Variants in VPS37A observed in about 807,000 individuals in gnomAD.
The protein encoded by VPS37A is vacuolar protein sorting-associated protein 37A.
VPS37A carries 30 observed loss-of-function variants against 49.8 expected under a neutral mutation model. The ratio of observed to expected loss-of-function variants is 0.60; its 90% CI spans 0.45 to 0.82. The LOEUF (loss-of-function observed/expected upper bound fraction) is 0.82, where lower values mean the gene tolerates loss of function less well. Ranked by LOEUF, VPS37A falls within the 40% of genes least tolerant of loss-of-function variation. VPS37A has a pLI of 0.00. For missense variants in VPS37A, 593 were observed against 464.4 expected, an observed-to-expected ratio of 1.28 and a Z score of -2.55; for synonymous variants, 195 against 160.6, an observed-to-expected ratio of 1.21 and a Z score of -1.62.
rs369575319 is a variant in VPS37A, at chr8:17,268,294, G to C, written c.237G>C (p.Val79=). 1 of 1,612,986 alleles carries C rather than the reference G, an allele frequency of 6.2e-7. No homozygotes were observed. Among genetic ancestry groups the C allele is most frequent in the African/African-American group, 1.3e-5 (1 of 74,908 alleles). Residue 79 remains valine (V), a synonymous_variant, in exon 3 of 12, where the codon GTG becomes GTC. Coordinates refer to ENST00000324849, the MANE Select transcript of VPS37A (RefSeq NM_152415.3). ...LPPQFPQEKP[V]ISVYPPIRHH... is the part of the protein sequence containing the mutation. Reference sequence around the variant, plus strand: ...CACAGTTTCCTCAGGAAAAACCAGTGATCAGTGTTTATCCACCAATACGAC... The same window carrying C: ...CACAGTTTCCTCAGGAAAAACCAGTCATCAGTGTTTATCCACCAATACGAC...
At chr8:17,302,184 C>T (rs745671147), downstream of VPS37A, 5 of 1,614,010 alleles carry the variant, frequency 3.1e-6, no homozygotes, top group East Asian at 2.2e-5. Flanking sequence ...CTTCCTCTAG[C>T]TGCTGAGTTT....
chr8:17,302,529 A>G (rs1407954427), downstream of VPS37A: 2 of 353,950 alleles, frequency 5.7e-6, no homozygotes, highest in Non-Finnish European at 1.0e-5. Context: ...CACAGAATAC[A>G]TTTTTCTAAA....
the VPS37A span, among the ~76,000 whole-genome samples, chr8:17,324,883 G>A: frequency 1.3e-5 from 2 of 152,136 alleles, no homozygotes; most frequent in Non-Finnish European, 2.9e-5. Flanking sequence ...TAAAAACTGA[G>A]ACTACAGAAA....
At chr8:17,322,950 C>CTTTTTTTTTTTTTTTTTTTTTTTTTTTTT in the VPS37A span, among the ~76,000 whole-genome samples, 1 of 125,776 alleles carries the variant, frequency 8.0e-6, no homozygotes, top group Non-Finnish European at 1.6e-5. Flanking sequence ...ATTGAATTAT[C>CTTTTTTTTTTTTTTTTTTTTTTTTTTTTT]TTTTTTTTTT....
At chr8:17,293,838 G>C (rs112224746) in intron 11 of VPS37A, among the ~76,000 whole-genome samples, 1,942 of 152,254 alleles carry the variant, frequency 0.013, 46 homozygotes, top group African/African-American at 0.044. Context: ...TGTCCCAGAG[G>C]GGCACCTGCA....
rs746344439 is a variant in VPS37A, at chr8:17,280,462, T to A, written c.969+19T>A. ...TAGTGAGGTAAGACTGTTTATTTTT[T>A]TCCCTTTGCCATAGATTTTTTTTTT... On this transcript the variant is annotated intron_variant, in intron 9 of 11. Transcript: ENST00000324849. 1 of 1,577,966 alleles carries A rather than the reference T, an allele frequency of 6.3e-7. No homozygotes were observed. The highest frequency in any genetic ancestry group is 8.5e-7 in the Non-Finnish European group (1 of 1,170,030).
intron 6 of VPS37A, among the ~76,000 whole-genome samples, chr8:17,279,178 G>T (rs1360455644): frequency 6.6e-6 from 1 of 152,210 alleles, no homozygotes; most frequent in South Asian, 2.1e-4. Flanking sequence ...CTTATGTGCC[G>T]TGTCTTACTG....
chr8:17,262,030 T>C (rs1194322772), intron 1 of VPS37A, among the ~76,000 whole-genome samples: 1 of 152,170 alleles, frequency 6.6e-6, no homozygotes, highest in African/African-American at 2.4e-5. Flanking sequence ...GGAAAGCCGA[T>C]TGTTCACCTC....
chr8:17,278,602 C>A (rs1814746282), intron 6 of VPS37A, among the ~76,000 whole-genome samples: 1 of 152,086 alleles, frequency 6.6e-6, no homozygotes, highest in African/African-American at 2.4e-5. Context: ...TCTCCCAGAC[C>A]TAGAGTCAGC....
chr8:17,308,667 G>A, the VPS37A span, among the ~76,000 whole-genome samples: 13 of 152,098 alleles, frequency 8.5e-5, no homozygotes, highest in Admixed American at 5.2e-4. Context: ...CACAATACAG[G>A]CATCAACACT....
chr8:17,264,097 A>G (rs1203583409), intron 1 of VPS37A, among the ~76,000 whole-genome samples: 1 of 152,152 alleles, frequency 6.6e-6, no homozygotes, highest in Non-Finnish European at 1.5e-5. Context: ...TAATCTAACA[A>G]ATCTTTTAGG....
At chr8:17,328,479 C>T in the VPS37A span, among the ~76,000 whole-genome samples, 1 of 151,946 alleles carries the variant, frequency 6.6e-6, no homozygotes. Context: ...GAAAACCAAG[C>T]ACCACATGTT....
chr8:17,273,640 A>G (rs1814225913), intron 4 of VPS37A, among the ~76,000 whole-genome samples: 1 of 152,242 alleles, frequency 6.6e-6, no homozygotes, highest in South Asian at 2.1e-4. Flanking sequence ...TGCTAGGATT[A>G]CAGGCGTGTA....
intron 2 of VPS37A, among the ~76,000 whole-genome samples, chr8:17,266,485 G>A (rs928901464): frequency 3.9e-5 from 6 of 152,150 alleles, no homozygotes; most frequent in African/African-American, 1.4e-4. Context: ...GTTACAAAAA[G>A]TTGGACAAAG....
chr8:17,316,052 G>C, the VPS37A span, among the ~76,000 whole-genome samples: 5 of 152,054 alleles, frequency 3.3e-5, no homozygotes, highest in Non-Finnish European at 2.9e-5. Context: ...TCGTGTTTTC[G>C]TGTCATCCTG....
At chr8:17,267,259 G>T (rs930586589) in intron 2 of VPS37A, among the ~76,000 whole-genome samples, 2 of 152,084 alleles carry the variant, frequency 1.3e-5, no homozygotes, top group African/African-American at 4.8e-5. Flanking sequence ...AGCAGGAGAG[G>T]CCAACAAGGA....
chr8:17,301,883 A>C, downstream of VPS37A: 1 of 436,612 alleles, frequency 2.3e-6, no homozygotes, highest in South Asian at 6.9e-5. Context: ...ACTACTCTCA[A>C]ATAACAGTAA....
chr8:17,295,422 C>T lies in VPS37A; in HGVS notation c.*436C>T, dbSNP rs1448072928. Reference sequence around the variant, plus strand: ...AACTATTTTCAACTGTGAGGAAACCCTTATTTTTCTTTCTTTGTGGATAAA... The same window carrying T: ...AACTATTTTCAACTGTGAGGAAACCTTTATTTTTCTTTCTTTGTGGATAAA... On this transcript the variant is annotated 3_prime_UTR_variant, in exon 12 of 12. Transcript: ENST00000324849. The T allele has an allele frequency of 6.6e-6, 1 of 152,464 alleles. No individual in the cohort carries two copies. The highest frequency in any genetic ancestry group is 2.4e-5 in the African/African-American group (1 of 41,412). The allele number at this position is 152,464 out of a possible 1,614,324, so 9.4% of individuals were successfully genotyped here.
the VPS37A span, among the ~76,000 whole-genome samples, chr8:17,312,791 C>A: frequency 4.6e-5 from 7 of 151,892 alleles, no homozygotes; most frequent in Admixed American, 2.0e-4. Flanking sequence ...GGTATAAATC[C>A]AAGGTATTTA....
Sources: gnomAD v4.1 joint callset for allele counts (sites outside exome capture counted in the v4.1 genomes callset) on GRCh38, gnomAD v4.1.1 for gene constraint, MANE v1.5 for transcripts, NCBI Gene and HGNC (gene_info 2026-07-23, HGNC 2026-07-21) for gene names.